The following COL4A6 variants were observed in gnomAD, a reference collection of about 807,000 sequenced individuals.
The protein encoded by COL4A6 is collagen alpha-6(IV) chain.
A neutral mutation model predicts 126.7 loss-of-function variants in COL4A6; 59 were observed. The ratio of observed to expected loss-of-function variants is 0.47; its 90% CI spans 0.38 to 0.58. The LOEUF (loss-of-function observed/expected upper bound fraction) is 0.58. Ranked by LOEUF, COL4A6 falls within the 20% of genes least tolerant of loss-of-function variation. COL4A6 has a pLI of 0.00. For missense variants in COL4A6, 1,285 were observed against 1,337.3 expected (o/e 0.96, Z 0.61); for synonymous variants, 547 against 496.6 (o/e 1.10, Z -1.35).
intron 2 of COL4A6, among the ~76,000 whole-genome samples, chrX:108,352,625 T>C (rs1318361591): frequency 1.8e-5 from 2 of 112,560 alleles, no homozygotes; most frequent in African/African-American, 3.2e-5. Context: ...CATAAACCTA[T>C]ACACATCTAT....
chrX:108,372,147 G>A (rs749458167), intron 2 of COL4A6, among the ~76,000 whole-genome samples: 142 of 111,076 alleles, frequency 1.3e-3, no homozygotes, highest in African/African-American at 4.5e-3. Flanking sequence ...GGGGAAGGCC[G>A]GGCCTCTCAA....
In COL4A6 at chrX:108,178,923, T is replaced by C. The variant is rs2034587899; in HGVS notation, c.2354-78A>G. 5.8e-6 allele frequency: 6 copies of C among 1,043,087 alleles called. No individual in the cohort carries two copies. The South Asian group carries it at 1.4e-4, about 24-fold the overall frequency. 86.0% of individuals were successfully genotyped at this position (1,043,087 alleles called of 1,213,427 possible). On this transcript the variant is annotated intron_variant, in intron 26 of 44. Transcript: ENST00000334504. ...GGTCAGCAAACCAACTTCCAGGACT[T>C]ATCCCAGGTGCCACTGTCTTCTCAG...
intron 27 of COL4A6, 70 bp from the exon 28 acceptor site, chrX:108,177,081 T>C: frequency 1.0e-6 from 1 of 996,009 alleles, no homozygotes; most frequent in Non-Finnish European, 1.4e-6. Flanking sequence ...GGCCACTGCC[T>C]ATATCATAGC....
At chrX:108,406,848 G>C (rs1470916953) in intron 2 of COL4A6, among the ~76,000 whole-genome samples, 2 of 110,332 alleles carry the variant, frequency 1.8e-5, no homozygotes, top group East Asian at 5.6e-4. Flanking sequence ...AAATGTGAAG[G>C]CATTTTTTTG....
intron 3 of COL4A6, among the ~76,000 whole-genome samples, chrX:108,231,952 G>C (rs1170147966): frequency 8.9e-6 from 1 of 112,003 alleles, no homozygotes; most frequent in African/African-American, 3.2e-5. Context: ...TACCTGGTCA[G>C]TGGGTAATGG....
intron 3 of COL4A6, among the ~76,000 whole-genome samples, chrX:108,293,715 T>A (rs1271480270): frequency 9.2e-6 from 1 of 108,739 alleles, no homozygotes; most frequent in Non-Finnish European, 1.9e-5. Flanking sequence ...GTCAAGTGAT[T>A]TTTTTTTTGA....
At chrX:108,439,183 A>C (rs997832496), upstream of COL4A6, among the ~76,000 whole-genome samples, 3 of 111,126 alleles carry the variant, frequency 2.7e-5, no homozygotes, top group African/African-American at 9.8e-5. Flanking sequence ...TACCTTTTAC[A>C]TTAGCTCAAT....
chrX:108,282,704 T>G (rs2037876667), intron 3 of COL4A6, among the ~76,000 whole-genome samples: 1 of 108,152 alleles, frequency 9.2e-6, no homozygotes, highest in Admixed American at 1.0e-4. Context: ...AAACGTATGT[T>G]TATTGCGGCA....
At chrX:108,389,811 T>C (rs1346368818) in intron 2 of COL4A6, among the ~76,000 whole-genome samples, 3 of 111,672 alleles carry the variant, frequency 2.7e-5, no homozygotes, top group African/African-American at 9.8e-5. Context: ...TTGATGCAGT[T>C]TCTTCACAGC....
intron 3 of COL4A6, among the ~76,000 whole-genome samples, chrX:108,287,706 C>G (rs1240211223): frequency 1.8e-5 from 2 of 111,694 alleles, no homozygotes; most frequent in East Asian, 5.6e-4. Context: ...AGTGCTCAAC[C>G]GAAGATTCAA....
intron 13 of COL4A6, among the ~76,000 whole-genome samples, chrX:108,200,555 G>A (rs1236534868): frequency 1.8e-5 from 2 of 111,838 alleles, no homozygotes; most frequent in African/African-American, 6.5e-5. Context: ...TTATCTCATG[G>A]AGGTAGAAAT....
Position 108,165,024 on chromosome X carries a change from C to G in COL4A6, c.3823G>C (p.Ala1275Pro), listed in dbSNP as rs113329155. The G allele has an allele frequency of 3.2e-5, 39 of 1,204,399 alleles. No individual in the cohort carries two copies. In the African/African-American group the frequency reaches 5.5e-4, roughly 17 times the overall value. Residue 1275 changes from alanine to proline, a missense_variant, in exon 39 of 45, where the codon GCT (alanine) becomes CCT (proline). By Grantham distance (27) the Ala-to-Pro change is conservative (BLOSUM62 -1). Transcript: ENST00000334504. ...GGCCCAGGGGGACCTGGGGGTCCAG[C>G]GGGGCCTGGGCGGCCTAGGGATAAG... Reference protein sequence around the residue: ...LDGERGRPGPAGPPGPPGPSS... With the variant: ...LDGERGRPGPPGPPGPPGPSS...
intron 2 of COL4A6, among the ~76,000 whole-genome samples, chrX:108,432,354 T>C (rs1297411115): frequency 8.9e-6 from 1 of 112,759 alleles, no homozygotes; most frequent in East Asian, 2.8e-4. Flanking sequence ...CTGTTGTGTT[T>C]TATGTTTCTC....
chrX:108,208,355 T>C (rs995516654), intron 8 of COL4A6, among the ~76,000 whole-genome samples: 2 of 112,109 alleles, frequency 1.8e-5, no homozygotes, highest in African/African-American at 6.5e-5. Flanking sequence ...ATTTTTAATA[T>C]CATTATACCC....
intron 2 of COL4A6, among the ~76,000 whole-genome samples, chrX:108,408,342 AAAG>A (rs2041249980): frequency 1.0e-5 from 1 of 96,323 alleles, no homozygotes; most frequent in Non-Finnish European, 1.9e-5. Context: ...AGAGAGAAAG[AAAG>A]AAAGAAAGAA....
chrX:108,253,694 C>A lies in COL4A6; in HGVS notation c.145-32320G>T, dbSNP rs190830568. Among the ~76,000 whole-genome samples the A allele has an allele frequency of 2.4e-4, 27 of 111,585 alleles. 1 individual carries two copies. The East Asian group carries it at 6.6e-3, about 27-fold the overall frequency. The stretch of plus-strand genomic sequence containing the variant: ...GATTTGCATGTAAAAGCCCAGGAAC[C>A]AAGTAAGAATAAAGGATGCATCCAG... On this transcript the variant is annotated intron_variant, in intron 3 of 44. Coordinates refer to ENST00000334504, the MANE Select transcript of COL4A6 (RefSeq NM_033641.4).
intron 2 of COL4A6, among the ~76,000 whole-genome samples, chrX:108,339,818 C>T (rs1006942471): frequency 1.8e-5 from 2 of 111,377 alleles, no homozygotes; most frequent in Non-Finnish European, 3.8e-5. Context: ...GTTTTCCCCT[C>T]TCACAGTCTT....
chrX:108,315,712 C>T (rs2038867223), intron 2 of COL4A6, among the ~76,000 whole-genome samples: 1 of 111,682 alleles, frequency 9.0e-6, no homozygotes, highest in East Asian at 2.8e-4. Context: ...CCAGCTCAAC[C>T]ATCTTTTTGG....
chrX:108,175,633 G>A (rs185462758), intron 29 of COL4A6, 21 bp downstream of exon 29: 1 of 1,180,698 alleles, frequency 8.5e-7, no homozygotes, highest in African/African-American at 1.8e-5. Context: ...AGCAGTTCCA[G>A]AATTCAATTC....
Sources: allele counts gnomAD v4.1 joint callset (sites outside exome capture counted in the v4.1 genomes callset), GRCh38; gene constraint gnomAD v4.1.1; transcripts MANE v1.5; gene names NCBI Gene and HGNC (gene_info 2026-07-23, HGNC 2026-07-21).